FBLN7: variants seen among roughly 807,000 people sequenced by gnomAD.
The protein encoded by FBLN7 is fibulin-7.
FBLN7 carries 31 observed loss-of-function variants against 44.0 expected under a neutral mutation model. That is an observed-to-expected ratio of 0.70 (90% CI 0.53 to 0.95). The LOEUF is 0.95. Ranked by LOEUF, FBLN7 falls within the 40% of genes least tolerant of loss-of-function variation. FBLN7 has a pLI of 0.00. For synonymous variants in FBLN7, 262 were observed against 253.4 expected, an observed-to-expected ratio of 1.03 and a Z score of -0.32; for missense variants, 573 against 618.5, an observed-to-expected ratio of 0.93 and a Z score of 0.78.
intron 3 of FBLN7, among the ~76,000 whole-genome samples, chr2:112,172,873 A>T (rs1473957712): frequency 6.6e-6 from 1 of 151,844 alleles, no homozygotes; most frequent in Admixed American, 6.6e-5. Context: ...GCCTCAAGTG[A>T]TCCACCCGCC....
At chr2:112,232,790 T>C in the FBLN7 span, among the ~76,000 whole-genome samples, 1 of 152,234 alleles carries the variant, frequency 6.6e-6, no homozygotes, top group South Asian at 2.1e-4. Context: ...AAAATGTTTA[T>C]GTTCCATGTT....
the FBLN7 span, among the ~76,000 whole-genome samples, chr2:112,223,651 G>A: frequency 1.3e-5 from 2 of 152,080 alleles, no homozygotes; most frequent in African/African-American, 2.4e-5. Context: ...AAGAAGAAAT[G>A]CTAACAATCA....
At chr2:112,175,910 C>T (rs1682718884) in intron 4 of FBLN7, 71 bp downstream of exon 4, 7 of 1,561,162 alleles carry the variant, frequency 4.5e-6, no homozygotes, top group Non-Finnish European at 4.4e-6. Context: ...GCATAGGTCC[C>T]CAAATGCAGA....
the FBLN7 span, chr2:112,216,577 T>C: frequency 6.6e-6 from 1 of 151,062 alleles, no homozygotes; most frequent in Non-Finnish European, 1.5e-5. Flanking sequence ...AAAAAACATA[T>C]AGCTGAAGAA....
chr2:112,139,259 G>C (rs1254354462), intron 1 of FBLN7, among the ~76,000 whole-genome samples: 3 of 8,432 alleles, frequency 3.6e-4, no homozygotes, highest in South Asian at 4.5e-3. Flanking sequence ...CCTCTCTCCA[G>C]GCCAGCGTCC....
chr2:112,193,935 T>G, the FBLN7 span, among the ~76,000 whole-genome samples: 5 of 152,258 alleles, frequency 3.3e-5, no homozygotes, highest in African/African-American at 9.6e-5. Context: ...TGTGTTCTGC[T>G]TATTGCTGCA....
chr2:112,238,463 A>C, the FBLN7 span: 1 of 1,613,200 alleles, frequency 6.2e-7, no homozygotes, highest in Non-Finnish European at 8.5e-7. Context: ...CACTATATAC[A>C]TCATAGTCCT....
At chr2:112,160,160 T>C in intron 2 of FBLN7, among the ~76,000 whole-genome samples, 1 of 152,162 alleles carries the variant, frequency 6.6e-6, no homozygotes, top group South Asian at 2.1e-4. Context: ...CCGGCTAATT[T>C]TTTGTATTTT....
Position 112,187,023 on chromosome 2 carries a change from G to T in FBLN7, c.948-111G>T, listed in dbSNP as rs1683299056. ...TCCTGGGTGAAGGACCCGTGGCTGG[G>T]AAAGGTCATCTAGGTGGCCTCTGCA... On this transcript the variant is annotated intron_variant, in intron 7 of 7. Transcript: ENST00000331203. The surrounding 1 kb of genome is among the most constrained non-coding windows in gnomAD (Gnocchi z 5.1). The T allele has an allele frequency of 5.8e-6, 8 of 1,367,882 alleles. No homozygotes were observed. In the South Asian group the frequency reaches 9.8e-5, roughly 17 times the overall value. The allele number at this position is 1,367,882 out of a possible 1,614,324, so 84.7% of individuals were successfully genotyped here.
intron 2 of FBLN7, among the ~76,000 whole-genome samples, 170 bp downstream of exon 2, chr2:112,160,005 T>A (rs375262561): frequency 2.2e-4 from 33 of 151,990 alleles, no homozygotes; most frequent in South Asian, 6.2e-4. Context: ...TTATTTATTT[T>A]TTTGAGACGG....
At chr2:112,158,010 G>C (rs1233998172) in intron 1 of FBLN7, among the ~76,000 whole-genome samples, 1 of 151,432 alleles carries the variant, frequency 6.6e-6, no homozygotes, top group East Asian at 1.9e-4. Flanking sequence ...CCATTCTCCT[G>C]CCTCAGCCTC....
chr2:112,163,212 G>T (rs765179808), intron 2 of FBLN7, among the ~76,000 whole-genome samples: 1 of 152,156 alleles, frequency 6.6e-6, no homozygotes, highest in Non-Finnish European at 1.5e-5. Flanking sequence ...GGGATTTTGG[G>T]CAGGGCTACA....
At chr2:112,219,972 C>T in the FBLN7 span, among the ~76,000 whole-genome samples, 1 of 152,150 alleles carries the variant, frequency 6.6e-6, no homozygotes, top group South Asian at 2.1e-4. Flanking sequence ...ATAGACAACT[C>T]CTGTCTTTTT....
intron 3 of FBLN7, among the ~76,000 whole-genome samples, chr2:112,170,472 A>C (rs1682401459): frequency 6.6e-6 from 1 of 150,478 alleles, no homozygotes; most frequent in Non-Finnish European, 1.5e-5. Context: ...GATTGCAGTG[A>C]GTCGAGATCA....
At chr2:112,223,891 C>T in the FBLN7 span, among the ~76,000 whole-genome samples, 1 of 152,122 alleles carries the variant, frequency 6.6e-6, no homozygotes, top group South Asian at 2.1e-4. Context: ...CCCTGTAATC[C>T]CAGCACTTTG....
Position 112,187,604 on chromosome 2 carries a change from C to A in FBLN7, c.*98C>A. ...GACTGCGTGGAGCCTCCCGCCTGTT[C>A]CCGCCCTCTCACCAGTGCACCCAGG... is the stretch of plus-strand genomic sequence containing the variant. On this transcript the variant is annotated 3_prime_UTR_variant, in exon 8 of 8. Coordinates refer to ENST00000331203, the MANE Select transcript of FBLN7 (RefSeq NM_153214.3). This position sits in a 1 kb window ranked among gnomAD's most constrained non-coding sequence, Gnocchi z 5.1. 1 of 1,514,670 alleles carries A rather than the reference C, an allele frequency of 6.6e-7. No homozygotes were observed. The highest frequency in any genetic ancestry group is 8.9e-7 in the Non-Finnish European group (1 of 1,117,992). 93.8% of individuals were successfully genotyped at this position (1,514,670 alleles called of 1,614,324 possible).
At chr2:112,240,328 A>G in the FBLN7 span, 2 of 152,274 alleles carry the variant, frequency 1.3e-5, no homozygotes, top group African/African-American at 4.8e-5. Flanking sequence ...CTGATCCTTT[A>G]TGAAAAGGTT....
At chr2:112,145,920 G>A (rs1352654174) in intron 1 of FBLN7, among the ~76,000 whole-genome samples, 2 of 152,236 alleles carry the variant, frequency 1.3e-5, no homozygotes, top group Non-Finnish European at 2.9e-5. Flanking sequence ...TTAAAATTGA[G>A]TAAAGTGGGT....
the FBLN7 span, among the ~76,000 whole-genome samples, chr2:112,209,115 G>T: frequency 6.6e-6 from 1 of 152,150 alleles, no homozygotes; most frequent in Admixed American, 6.5e-5. Flanking sequence ...AGGCATGACA[G>T]ATTTTATTTT....
Sources: allele counts gnomAD v4.1 joint callset (sites outside exome capture counted in the v4.1 genomes callset), GRCh38; gene constraint gnomAD v4.1.1; non-coding constraint Gnocchi (gnomAD v3.1); transcripts MANE v1.5; gene names NCBI Gene and HGNC (gene_info 2026-07-23, HGNC 2026-07-21).